Variants in CRYBG1 observed in about 807,000 individuals in gnomAD.
CRYBG1 encodes the protein beta/gamma crystallin domain-containing protein 1.
In CRYBG1, 139 loss-of-function variants were observed where a neutral mutation model predicts 189.2. The observed-to-expected ratio is 0.73, with a 90% CI of 0.64 to 0.85. The LOEUF (loss-of-function observed/expected upper bound fraction) is 0.85, where lower values mean the gene tolerates loss of function less well. Ranked by LOEUF, CRYBG1 falls within the 40% of genes least tolerant of loss-of-function variation. CRYBG1 has a pLI of 0.00. For missense variants in CRYBG1, 2,611 were observed against 2,675.8 expected (o/e 0.98, Z 0.53); for synonymous variants, 1,023 against 1,017.1 (o/e 1.01, Z -0.11).
At chr6:106,372,014 T>G (rs1364585182) in intron 1 of CRYBG1, among the ~76,000 whole-genome samples, 2 of 152,258 alleles carry the variant, frequency 1.3e-5, no homozygotes, top group East Asian at 3.8e-4. Context: ...TCATGTAGTT[T>G]CTTCCTACAG....
chr6:106,512,368 G>A lies in CRYBG1; in HGVS notation c.1251G>A (p.Arg417=). 1 of 1,611,640 alleles carries A rather than the reference G, an allele frequency of 6.2e-7. No individual in the cohort carries two copies. The highest frequency in any genetic ancestry group is 8.5e-7 in the Non-Finnish European group (1 of 1,179,440). The part of the protein sequence containing the change: ...DDMEKRSSGR[R]SGRRRGSQKS... ...TGGAGAAGAGGTCCAGCGGCCGTAG[G>A]TCGGGGAGGCGGAGGGGGTCGCAGA... Residue 417 remains arginine, a synonymous_variant, in exon 3 of 22, where the codon AGG becomes AGA. Coordinates refer to ENST00000633556, the MANE Select transcript of CRYBG1 (RefSeq NM_001371242.2).
At chr6:106,449,021 T>C (rs903552331) in intron 1 of CRYBG1, among the ~76,000 whole-genome samples, 2 of 152,238 alleles carry the variant, frequency 1.3e-5, no homozygotes, top group African/African-American at 2.4e-5. Context: ...CCTTTTGTTT[T>C]ATATGTGATA....
At chr6:106,528,697 G>C (rs376721555) in intron 7 of CRYBG1, among the ~76,000 whole-genome samples, 12 of 152,136 alleles carry the variant, frequency 7.9e-5, no homozygotes, top group Admixed American at 5.2e-4. Flanking sequence ...GAAGGGAAAC[G>C]AGATCTCTTG....
chr6:106,494,382 T>TCC (rs1772795425), intron 2 of CRYBG1, among the ~76,000 whole-genome samples: 1 of 152,038 alleles, frequency 6.6e-6, no homozygotes, highest in African/African-American at 2.4e-5. Flanking sequence ...ACATTTTACG[T>TCC]TTTGTGCTTT....
At chr6:106,380,931 A>G (rs1770275562) in intron 1 of CRYBG1, among the ~76,000 whole-genome samples, 1 of 152,146 alleles carries the variant, frequency 6.6e-6, no homozygotes, top group Admixed American at 6.5e-5. Context: ...GATGTTTCAA[A>G]CTCCTTCTGA....
rs1476464258 is a variant in CRYBG1 at position 106,512,299 on chromosome 6, C to T, written c.1182C>T (p.Val394=). Residue 394 remains valine (V), a synonymous_variant, in exon 3 of 22, where the codon GTC becomes GTT. Transcript: ENST00000633556. ...KTEGAQVDEP[V]VITPRAEDCG... is the part of the protein sequence containing the mutation. ...AGGGGGCACAAGTGGACGAGCCGGT[C>T]GTGATTACTCCCAGAGCGGAAGATT... 5.0e-6 allele frequency: 8 copies of T among 1,591,858 alleles called. No individual in the cohort carries two copies. The highest frequency in any genetic ancestry group is 2.3e-5 in the South Asian group (2 of 87,904).
chr6:106,402,499 C>A (rs7752081), intron 1 of CRYBG1, among the ~76,000 whole-genome samples: 1 of 104,178 alleles, frequency 9.6e-6, no homozygotes, highest in Non-Finnish European at 1.9e-5. Context: ...TGCCACATAT[C>A]TACAACTATC....
intron 1 of CRYBG1, among the ~76,000 whole-genome samples, chr6:106,433,739 ATATATGTATATATATATGTG>A (rs1463042365): frequency 3.9e-5 from 1 of 25,478 alleles, no homozygotes; most frequent in Non-Finnish European, 8.1e-5. Context: ...ATATATACAT[ATATATGTATATATATATGTG>A]TATATATATA....
intron 1 of CRYBG1, among the ~76,000 whole-genome samples, chr6:106,435,599 T>C (rs1771439303): frequency 6.7e-6 from 1 of 148,984 alleles, no homozygotes; most frequent in Admixed American, 6.7e-5. Flanking sequence ...ATTAATTAAT[T>C]AATTATATTT....
At chr6:106,399,087 T>C (rs543649728) in intron 1 of CRYBG1, among the ~76,000 whole-genome samples, 10 of 152,234 alleles carry the variant, frequency 6.6e-5, no homozygotes, top group Non-Finnish European at 1.3e-4. Flanking sequence ...TTATTTTGCA[T>C]AGTAGAAGGT....
chr6:106,409,389 A>G (rs1224362740), intron 1 of CRYBG1, among the ~76,000 whole-genome samples: 1 of 152,244 alleles, frequency 6.6e-6, no homozygotes, highest in African/African-American at 2.4e-5. Flanking sequence ...AAACAAATGG[A>G]AAAACATTCC....
chr6:106,387,308 A>G (rs1342874063), intron 1 of CRYBG1, among the ~76,000 whole-genome samples: 1 of 152,188 alleles, frequency 6.6e-6, no homozygotes, highest in Non-Finnish European at 1.5e-5. Context: ...AATTTGTGAT[A>G]CAAATACTGG....
rs768892501 is a variant in CRYBG1, at chr6:106,521,115, C to A, written c.3907C>A (p.Leu1303Ile). The change falls in exon 4 of 22, where the codon CTT becomes ATT. Residue 1303 changes from leucine to isoleucine, a missense_variant. Physicochemically the swap from Leu to Ile is conservative, Grantham distance 5 (BLOSUM62 2). Around this residue, in one of 3 missense-constraint regions of CRYBG1, gnomAD observed 1,622 missense variants for 1,735.0 expected, o/e 0.93. Transcript: ENST00000633556. ...PCGLNKEQSN[L>I]LPDNSLKVFN... ...TGGTTTGAACAAAGAACAGTCAAAT[C>A]TTCTGCCCGACAACTCCTTAAAGGT... 6.2e-7 allele frequency: 1 copy of A among 1,614,178 alleles called. No homozygotes were observed. Among genetic ancestry groups the A allele is most frequent in the East Asian group, 2.2e-5 (1 of 44,888 alleles).
At chr6:106,540,610 A>G (rs536057153) in intron 9 of CRYBG1, among the ~76,000 whole-genome samples, 2 of 152,244 alleles carry the variant, frequency 1.3e-5, no homozygotes, top group South Asian at 2.1e-4. Flanking sequence ...TGGTGTTCAA[A>G]CAGGATTACT....
rs114084888 is a variant in CRYBG1 at position 106,458,434 on chromosome 6, T to C, written c.312+6602T>C. 5.4e-3 allele frequency among the ~76,000 whole-genome samples: 826 copies of C among 152,340 alleles called. 5 individuals carry two copies. Among genetic ancestry groups the C allele is most frequent in the African/African-American group, 0.019 (788 of 41,580 alleles). ...CCCAGGAAAGTTGTTTATTTTCCCC[T>C]GTGTTGCCACTTACCTTGAATGTAC... On this transcript the variant is annotated intron_variant, in intron 2 of 21. Coordinates refer to ENST00000633556, the MANE Select transcript of CRYBG1 (RefSeq NM_001371242.2).
chr6:106,433,969 G>A (rs547997931), intron 1 of CRYBG1, among the ~76,000 whole-genome samples: 1 of 151,808 alleles, frequency 6.6e-6, no homozygotes, highest in East Asian at 1.9e-4. Flanking sequence ...TTAGCTGATT[G>A]GTTGCAGCTC....
Position 106,451,754 on chromosome 6 carries a change from C to T in CRYBG1, c.234C>T (p.His78=). 6.5e-7 allele frequency: 1 copy of T among 1,534,906 alleles called. No individual in the cohort carries two copies. The highest frequency in any genetic ancestry group is 8.7e-7 in the Non-Finnish European group (1 of 1,146,430). ...VVRDSQEFPL[H]CGESQFFHTT... ...GAGACTCCCAGGAATTTCCACTGCA[C>T]TGTGGGGAATCCCAGTTCTTCCACA... The change falls in exon 2 of 22, where the codon CAC becomes CAT. Residue 78 remains histidine, a synonymous_variant. Transcript: ENST00000633556.
Position 106,551,941 on chromosome 6 carries a change from A to T in CRYBG1, c.5402A>T (p.Lys1801Ile). The T allele has an allele frequency of 6.2e-7, 1 of 1,611,728 alleles. No homozygotes were observed. Among genetic ancestry groups the T allele is most frequent in the Non-Finnish European group, 8.5e-7 (1 of 1,178,172 alleles). ...FYTSFEDWGG[K>I]NCKISSVQPI... ...ACCAGTTTTGAGGACTGGGGAGGCA[A>T]AAATTGTAAGATCTCTTCTGTTCAA... The change falls in exon 14 of 22, where the codon AAA (lysine) becomes ATA (isoleucine). Residue 1801 changes from lysine (K) to isoleucine (I), a missense_variant. Lys to Ile is a moderately radical substitution (Grantham distance 102, BLOSUM62 -3). Coordinates refer to ENST00000633556, the MANE Select transcript of CRYBG1 (RefSeq NM_001371242.2).
chr6:106,495,375 G>A (rs750025954), intron 2 of CRYBG1, among the ~76,000 whole-genome samples: 3 of 152,066 alleles, frequency 2.0e-5, no homozygotes, highest in African/African-American at 4.8e-5. Context: ...ATATTCTCTT[G>A]GTGTATCTAT....
Sources: gnomAD v4.1 joint callset for allele counts (sites outside exome capture counted in the v4.1 genomes callset) on GRCh38, gnomAD v4.1.1 for gene constraint, gnomAD v4.1.1 regional missense constraint, MANE v1.5 for transcripts, NCBI Gene and HGNC (gene_info 2026-07-23, HGNC 2026-07-21) for gene names.